Variants in TENM2 observed in about 807,000 individuals in gnomAD.
TENM2 encodes the protein teneurin-2.
Under a neutral mutation model 245.2 loss-of-function variants are expected in TENM2, and 52 were observed. That is an observed-to-expected ratio of 0.21 (90% CI 0.17 to 0.27). The LOEUF is 0.27. TENM2 is among the 10% of genes least tolerant of loss of function. The pLI is 1.00. For synonymous variants in TENM2, 1,363 were observed against 1,438.9 expected, an observed-to-expected ratio of 0.95 and a Z score of 1.19; for missense variants, 3,046 against 3,666.8, an observed-to-expected ratio of 0.83 and a Z score of 4.37.
chr5:168,260,460 C>T (rs776106833), intron 28 of TENM2, 47 bp downstream of exon 30: 23 of 1,605,250 alleles, frequency 1.4e-5, no homozygotes, highest in Non-Finnish European at 2.0e-5. Flanking sequence ...TCATCATTCC[C>T]TTTTGCAAAC....
intron 3 of TENM2, among the ~76,000 whole-genome samples, chr5:167,924,706 C>T (rs1380256777): frequency 6.6e-6 from 1 of 152,188 alleles, no homozygotes; most frequent in African/African-American, 2.4e-5. Flanking sequence ...CACGTCTTGT[C>T]TAAAGGTTCC....
At chr5:167,571,069 A>AT (rs1485223539) in intron 2 of TENM2, among the ~76,000 whole-genome samples, 1 of 152,224 alleles carries the variant, frequency 6.6e-6, no homozygotes, top group African/African-American at 2.4e-5. Context: ...TGAGTCATCC[A>AT]TTTTGAGGTG....
the TENM2 span, among the ~76,000 whole-genome samples, chr5:166,997,217 C>T: frequency 6.6e-6 from 1 of 152,292 alleles, no homozygotes; most frequent in South Asian, 2.1e-4. Flanking sequence ...AAATAAACCG[C>T]TTCAATATGA....
rs144388113 is a variant in TENM2 at position 167,325,814 on chromosome 5, A to G, written c.226+40751A>G. ...GAAGATGGTAACAGTGAACACAGCA[A>G]CATCTGTTCTGCCCTGAACTTATAG... On this transcript the variant is annotated intron_variant, in intron 1 of 28. Coordinates refer to ENST00000518659, the Ensembl canonical transcript of TENM2. Among the ~76,000 whole-genome samples the G allele has an allele frequency of 5.2e-4, 79 of 152,360 alleles. No individual in the cohort carries two copies. The East Asian group carries it at 0.013, about 26-fold the overall frequency.
intron 2 of TENM2, among the ~76,000 whole-genome samples, chr5:167,460,134 T>C (rs1369647385): frequency 2.0e-5 from 3 of 152,050 alleles, no homozygotes; most frequent in East Asian, 1.9e-4. Context: ...GAGGTCCAGA[T>C]AGGTTAAGTA....
At chr5:167,417,840 G>C (rs764546634) in intron 2 of TENM2, among the ~76,000 whole-genome samples, 3 of 152,112 alleles carry the variant, frequency 2.0e-5, no homozygotes, top group Non-Finnish European at 4.4e-5. Flanking sequence ...TGTTTCCCTG[G>C]TGTGGATTTG....
At chr5:167,252,138 T>C in the TENM2 span, among the ~76,000 whole-genome samples, 1 of 152,122 alleles carries the variant, frequency 6.6e-6, no homozygotes, top group African/African-American at 2.4e-5. Flanking sequence ...TCCATGCTTC[T>C]GAAACCCAAA....
At chr5:167,103,931 C>G in the TENM2 span, among the ~76,000 whole-genome samples, 1 of 151,990 alleles carries the variant, frequency 6.6e-6, no homozygotes, top group Admixed American at 6.6e-5. Context: ...GGCTCAGCAT[C>G]GTGACACCAC....
chr5:168,217,586 C>T (rs1338496654), intron 22 of TENM2, among the ~76,000 whole-genome samples: 2 of 152,194 alleles, frequency 1.3e-5, no homozygotes, highest in Non-Finnish European at 2.9e-5. Flanking sequence ...AGGAAGGATG[C>T]GTTCGGTTCC....
intron 1 of TENM2, among the ~76,000 whole-genome samples, chr5:167,316,600 T>C (rs958030214): frequency 2.0e-5 from 3 of 152,188 alleles, no homozygotes; most frequent in African/African-American, 7.2e-5. Flanking sequence ...TACATATACA[T>C]AGGTACAAAT....
the TENM2 span, among the ~76,000 whole-genome samples, chr5:167,255,224 AT>A: frequency 6.6e-6 from 1 of 152,080 alleles, no homozygotes; most frequent in African/African-American, 2.4e-5. Flanking sequence ...AATAAGATTT[AT>A]TGACACTGTC....
chr5:167,806,520 T>G (rs377733785), intron 2 of TENM2, among the ~76,000 whole-genome samples: 4 of 152,222 alleles, frequency 2.6e-5, no homozygotes, highest in African/African-American at 7.2e-5. Context: ...CTCTTCCCTA[T>G]TGCCTTTCAC....
chr5:167,129,977 C>T, the TENM2 span, among the ~76,000 whole-genome samples: 1 of 152,078 alleles, frequency 6.6e-6, no homozygotes, highest in Non-Finnish European at 1.5e-5. Context: ...GTTCCATAAC[C>T]ATGGAGCAGG....
At chr5:168,256,494 C>A (rs989926808) in intron 27 of TENM2, among the ~76,000 whole-genome samples, 2 of 149,720 alleles carry the variant, frequency 1.3e-5, no homozygotes, top group Admixed American at 1.3e-4. Context: ...GGCACAATCT[C>A]AGCTCACTGC....
At chr5:167,798,458 G>A (rs1765472092) in intron 2 of TENM2, among the ~76,000 whole-genome samples, 1 of 152,228 alleles carries the variant, frequency 6.6e-6, no homozygotes, top group Non-Finnish European at 1.5e-5. Flanking sequence ...GTAGAGGTAG[G>A]CACAGTATCA....
At chr5:168,203,804 C>A in exon 18 of TENM2, 2 of 1,612,924 alleles carry the variant, frequency 1.2e-6, no homozygotes. Flanking sequence ...GGTCCCTAGA[C>A]AAACACCACA....
intron 1 of TENM2, among the ~76,000 whole-genome samples, chr5:167,351,405 G>A (rs1474689684): frequency 1.3e-5 from 2 of 152,072 alleles, no homozygotes; most frequent in Non-Finnish European, 2.9e-5. Context: ...AGGTTTTTAA[G>A]TTCTCTTGTT....
In TENM2 at chr5:168,059,553, C is replaced by T. The variant is rs1397817377; in HGVS notation, c.1310-2507C>T. ...GGTACCTATCAGAGGCCCACACACT[C>T]TTCTTCCCCAGGCGGCTCTCTTACT... On this transcript the variant is annotated intron_variant, in intron 6 of 28. Coordinates refer to ENST00000518659, the Ensembl canonical transcript of TENM2. Among the ~76,000 whole-genome samples, 7 of 152,302 alleles carry T rather than the reference C, an allele frequency of 4.6e-5. No individual in the cohort carries two copies. In the South Asian group the frequency reaches 1.5e-3, roughly 32 times the overall value.
intron 7 of TENM2, among the ~76,000 whole-genome samples, chr5:168,069,076 A>C (rs1248136120): frequency 6.6e-6 from 1 of 152,186 alleles, no homozygotes; most frequent in Non-Finnish European, 1.5e-5. Flanking sequence ...TTTGAAAAAA[A>C]ATCACCATTA....
Sources: allele counts gnomAD v4.1 joint callset (sites outside exome capture counted in the v4.1 genomes callset), GRCh38; gene constraint gnomAD v4.1.1; transcripts MANE v1.5; gene names NCBI Gene and HGNC (gene_info 2026-07-23, HGNC 2026-07-21).